RHOD: variants seen among roughly 807,000 people sequenced by gnomAD.
RHOD encodes the protein ras homolog family member D, also known as rho-related GTP-binding protein RhoD.
RHOD carries 11 observed loss-of-function variants against 16.7 expected under a neutral mutation model. The ratio of observed to expected loss-of-function variants is 0.66; its 90% CI spans 0.41 to 1.09. RHOD has a LOEUF of 1.09. Among genes scored for constraint, RHOD ranks in the 50% least tolerant of loss-of-function variants. RHOD has a pLI of 0.00. For missense variants in RHOD, 271 were observed against 291.7 expected, an observed-to-expected ratio of 0.93 and a Z score of 0.52; for synonymous variants, 124 against 126.3, an observed-to-expected ratio of 0.98 and a Z score of 0.12.
At chr11:67,061,586 C>T (rs1334946837) in intron 1 of RHOD, among the ~76,000 whole-genome samples, 5 of 141,232 alleles carry the variant, frequency 3.5e-5, no homozygotes, top group African/African-American at 1.1e-4. Context: ...GAGCTGAGAT[C>T]GTGCCATTGC....
At chr11:67,066,590 C>T (rs1484367237) in intron 2 of RHOD, 148 bp from the exon 3 acceptor site, 13 of 663,136 alleles carry the variant, frequency 2.0e-5, no homozygotes, top group Non-Finnish European at 3.0e-5. Flanking sequence ...GTAGCCACCT[C>T]AGAGCCAAAT....
chr11:67,069,746 G>A (rs575795579), intron 3 of RHOD, among the ~76,000 whole-genome samples: 2 of 151,972 alleles, frequency 1.3e-5, no homozygotes, highest in Admixed American at 1.3e-4. Flanking sequence ...AGGCTGGAAT[G>A]CAGTGGCGCG....
At chr11:67,063,800 CAAAAAAA>C (rs71045978) in intron 1 of RHOD, among the ~76,000 whole-genome samples, 10 of 37,930 alleles carry the variant, frequency 2.6e-4, no homozygotes, top group Admixed American at 8.3e-4. Context: ...GACTCTCTCT[CAAAAAAA>C]AAAAAAAAAA....
intron 3 of RHOD, among the ~76,000 whole-genome samples, chr11:67,068,796 G>A (rs757738155): frequency 3.0e-4 from 46 of 152,020 alleles, no homozygotes; most frequent in Admixed American, 1.1e-3. Flanking sequence ...GACAGAGCGG[G>A]ACTGTCTCAA....
chr11:67,056,886 C>A lies in RHOD; in HGVS notation c.-17C>A. ...CGCCGCAGCCGCCCGCCCGCCCGCT[C>A]AGCGCCCGGCCCCGGGATGACGGCG... On this transcript the variant is annotated 5_prime_UTR_variant, in exon 1 of 5. Transcript: ENST00000308831. 2 of 1,389,386 alleles carry A rather than the reference C, an allele frequency of 1.4e-6. No individual in the cohort carries two copies. The highest frequency in any genetic ancestry group is 3.2e-5 in the South Asian group (2 of 61,544). 86.1% of individuals were successfully genotyped at this position (1,389,386 alleles called of 1,614,324 possible). A position where few individuals can be genotyped will look rare whatever the true frequency, so the allele number is the denominator to read the frequency against.
At position 67,071,522 on chromosome 11, in the gene RHOD, G is replaced by A; in HGVS notation, c.553G>A (p.Glu185Lys). ...TGACAACGTCCACGCCGTCTTCCAGGAGGCCGCCGAGGTGGCCCTCAGCAG... is the reference window on the plus strand; with the variant it reads ...TGACAACGTCCACGCCGTCTTCCAGAAGGCCGCCGAGGTGGCCCTCAGCAG... ...LHDNVHAVFQEAAEVALSSRG... is the reference protein window; with the variant it reads ...LHDNVHAVFQKAAEVALSSRG... The change falls in exon 5 of 5, where the codon GAG becomes AAG. Residue 185 changes from glutamate to lysine, a missense_variant. Coordinates refer to ENST00000308831, the MANE Select transcript of RHOD (RefSeq NM_014578.4). 1 of 1,611,740 alleles carries A rather than the reference G, an allele frequency of 6.2e-7. No individual in the cohort carries two copies. The highest frequency in any genetic ancestry group is 8.5e-7 in the Non-Finnish European group (1 of 1,179,450).
intron 1 of RHOD, among the ~76,000 whole-genome samples, chr11:67,062,033 C>T (rs1456243149): frequency 1.3e-5 from 2 of 151,912 alleles, no homozygotes; most frequent in African/African-American, 2.4e-5. Context: ...TGGGGGAAAC[C>T]GCCTTCATGA....
chr11:67,059,148 G>A (rs1854855743), intron 1 of RHOD, among the ~76,000 whole-genome samples: 1 of 152,126 alleles, frequency 6.6e-6, no homozygotes, highest in Non-Finnish European at 1.5e-5. Context: ...ATGGGGGGAG[G>A]GCATGCTTAT....
At chr11:67,058,466 A>G (rs2136244341) in intron 1 of RHOD, among the ~76,000 whole-genome samples, 1 of 152,222 alleles carries the variant, frequency 6.6e-6, no homozygotes, top group African/African-American at 2.4e-5. Flanking sequence ...GTGAGCCACC[A>G]CACCCAGCCA....
intron 1 of RHOD, among the ~76,000 whole-genome samples, chr11:67,057,574 AC>A (rs1316633452): frequency 6.6e-6 from 1 of 152,216 alleles, no homozygotes; most frequent in African/African-American, 2.4e-5. Context: ...CTCCTGGGAA[AC>A]ATTGTCTCCC....
At chr11:67,070,843 TCA>T (rs1477789814) in intron 4 of RHOD, among the ~76,000 whole-genome samples, 3 of 152,044 alleles carry the variant, frequency 2.0e-5, no homozygotes, top group Non-Finnish European at 4.4e-5. Flanking sequence ...ACCCACATAT[TCA>T]GACCGTGGGT....
chr11:67,066,824 AG>A lies in RHOD; in HGVS notation c.308del (p.Ser103ThrfsTer13). 6.2e-7 allele frequency: 1 copy of A among 1,613,332 alleles called. No individual in the cohort carries two copies. The highest frequency in any genetic ancestry group is 8.5e-7 in the Non-Finnish European group (1 of 1,179,262). Reference sequence around the variant, plus strand: ...TTGCTTCGATGTCACCAGCCCGAACAGCTTTGACAACATCTTTAACCGGGTA... The same window carrying A: ...TTGCTTCGATGTCACCAGCCCGAACACTTTGACAACATCTTTAACCGGGTA... ...LLCFDVTSPN[S>X]FDNIFNRWYP... On this transcript the variant is annotated frameshift_variant, in exon 3 of 5. Coordinates refer to ENST00000308831, the MANE Select transcript of RHOD (RefSeq NM_014578.4). LOFTEE classifies it high-confidence loss of function.
At position 67,066,862 on chromosome 11, in the gene RHOD, G is replaced by T; in HGVS notation, c.330+15G>T. 2.6e-6 allele frequency: 4 copies of T among 1,555,472 alleles called. No individual in the cohort carries two copies. The highest frequency in any genetic ancestry group is 3.5e-6 in the Non-Finnish European group (4 of 1,126,772). The stretch of plus-strand genomic sequence containing the variant: ...TCTTTAACCGGGTAGGTACTGGGGG[G>T]CAGGGAGGCATAGCCCCCATAGCCA... On this transcript the variant is annotated intron_variant, in intron 3 of 4. Transcript: ENST00000308831.
chr11:67,070,003 T>C (rs994927656), intron 3 of RHOD, among the ~76,000 whole-genome samples: 10 of 152,198 alleles, frequency 6.6e-5, no homozygotes, highest in African/African-American at 2.2e-4. Context: ...GATTTGTTTT[T>C]AAAGGATCCC....
chr11:67,064,158 G>A (rs1854929266), intron 1 of RHOD, among the ~76,000 whole-genome samples: 1 of 145,056 alleles, frequency 6.9e-6, no homozygotes, highest in South Asian at 2.1e-4. Context: ...TGTAATCCCA[G>A]CACTTTGGGA....
rs1383358763 is a variant in RHOD at position 67,071,516 on chromosome 11, T to G, written c.547T>G (p.Phe183Val). ...ARLHDNVHAV[F>V]QEAAEVALSS... ...GCTCCATGACAACGTCCACGCCGTC[T>G]TCCAGGAGGCCGCCGAGGTGGCCCT... is the stretch of plus-strand genomic sequence containing the variant. Residue 183 changes from phenylalanine to valine, a missense_variant, in exon 5 of 5, where the codon TTC becomes GTC. Transcript: ENST00000308831. The G allele has an allele frequency of 6.2e-7, 1 of 1,612,054 alleles. No homozygotes were observed. Among genetic ancestry groups the G allele is most frequent in the African/African-American group, 1.3e-5 (1 of 75,046 alleles).
At chr11:67,061,398 C>T (rs890333457) in intron 1 of RHOD, among the ~76,000 whole-genome samples, 52 of 152,108 alleles carry the variant, frequency 3.4e-4, no homozygotes, top group African/African-American at 1.2e-3. Flanking sequence ...TTCGGGAGGC[C>T]GAGGCGGGTG....
In RHOD at chr11:67,056,901, G is replaced by A. The variant is rs770670403; in HGVS notation, c.-2G>A. 10 of 1,444,506 alleles carry A rather than the reference G, an allele frequency of 6.9e-6. 1 individual carries two copies. The South Asian group carries it at 1.2e-4, about 18-fold the overall frequency. 89.5% of individuals were successfully genotyped at this position (1,444,506 alleles called of 1,614,324 possible). ...CCCGCCCGCTCAGCGCCCGGCCCCG[G>A]GATGACGGCGGCCCAGGCCGCGGGT... On this transcript the variant is annotated 5_prime_UTR_variant, in exon 1 of 5. Transcript: ENST00000308831.
intron 3 of RHOD, among the ~76,000 whole-genome samples, chr11:67,068,743 G>A (rs1490032316): frequency 1.3e-5 from 2 of 151,962 alleles, no homozygotes; most frequent in Non-Finnish European, 2.9e-5. Context: ...GGAGGCGGAG[G>A]TTGCAGTGAG....
Sources: allele counts gnomAD v4.1 joint callset (sites outside exome capture counted in the v4.1 genomes callset), GRCh38; gene constraint gnomAD v4.1.1; transcripts MANE v1.5; gene names NCBI Gene and HGNC (gene_info 2026-07-23, HGNC 2026-07-21).